The following DPP6 variants were observed in gnomAD, a reference collection of about 807,000 sequenced individuals.
DPP6 encodes dipeptidyl peptidase like 6.
DPP6 carries 69 observed loss-of-function variants against 122.6 expected under a neutral mutation model. The observed-to-expected ratio is 0.56, with a 90% confidence interval of 0.46 to 0.69. DPP6 has a LOEUF of 0.69. DPP6 is among the 30% of genes least tolerant of loss of function. The pLI is 0.00. For missense variants in DPP6, 928 were observed against 1,116.9 expected, an observed-to-expected ratio of 0.83 and a Z score of 2.41; for synonymous variants, 418 against 433.1, an observed-to-expected ratio of 0.97 and a Z score of 0.43.
At chr7:154,729,567 C>A (rs180702929) in intron 8 of DPP6, among the ~76,000 whole-genome samples, 3 of 152,168 alleles carry the variant, frequency 2.0e-5, no homozygotes, top group Non-Finnish European at 2.9e-5. Context: ...AAGACATAGA[C>A]CATTTCCATC....
At chr7:154,777,834 G>A (rs2150393594) in intron 10 of DPP6, among the ~76,000 whole-genome samples, 1 of 152,170 alleles carries the variant, frequency 6.6e-6, no homozygotes, top group East Asian at 1.9e-4. Flanking sequence ...GCAGCTGTGG[G>A]GGCTCACTCC....
the DPP6 span, among the ~76,000 whole-genome samples, chr7:153,816,127 A>C: frequency 6.6e-6 from 1 of 152,080 alleles, no homozygotes; most frequent in Admixed American, 6.5e-5. Context: ...AGCTAAGAAA[A>C]TGGAGATAAA....
chr7:154,773,649 A>G (rs889439566), intron 10 of DPP6, among the ~76,000 whole-genome samples: 2 of 152,300 alleles, frequency 1.3e-5, no homozygotes, highest in Admixed American at 1.3e-4. Flanking sequence ...GCCAGGACCC[A>G]CCCAAGTATA....
chr7:154,647,858 C>T (rs1228932912), intron 6 of DPP6, among the ~76,000 whole-genome samples: 3 of 152,250 alleles, frequency 2.0e-5, no homozygotes, highest in East Asian at 3.9e-4. Context: ...GGCACTCTTC[C>T]TGTTTACAGA....
chr7:154,698,662 C>A (rs1840350619), intron 7 of DPP6, among the ~76,000 whole-genome samples: 1 of 152,064 alleles, frequency 6.6e-6, no homozygotes, highest in Non-Finnish European at 1.5e-5. Context: ...CCAGTGATAT[C>A]TTTCTTGTGA....
intron 1 of DPP6, among the ~76,000 whole-genome samples, chr7:154,074,775 T>C (rs1377231704): frequency 1.3e-5 from 2 of 152,004 alleles, no homozygotes; most frequent in Admixed American, 1.3e-4. Flanking sequence ...AAGACCCCGC[T>C]GAGAGTTCCA....
intron 5 of DPP6, among the ~76,000 whole-genome samples, chr7:154,636,720 C>T (rs1382361004): frequency 6.6e-6 from 1 of 152,202 alleles, no homozygotes; most frequent in African/African-American, 2.4e-5. Flanking sequence ...GAAGTTAATT[C>T]AGTGGTGCAG....
intron 1 of DPP6, among the ~76,000 whole-genome samples, chr7:154,177,045 G>A (rs1382148435): frequency 2.6e-5 from 4 of 151,934 alleles, no homozygotes; most frequent in Non-Finnish European, 5.9e-5. Context: ...TGTTGCCCAG[G>A]CTGGTCTTGA....
At chr7:154,329,733 G>A (rs1483249306) in intron 1 of DPP6, among the ~76,000 whole-genome samples, 4 of 152,182 alleles carry the variant, frequency 2.6e-5, no homozygotes, top group African/African-American at 2.4e-5. Flanking sequence ...GCACACATAT[G>A]TTTCTTGCAG....
rs538431944 is a variant in DPP6, at chr7:154,617,240, C to G, written c.628-20581C>G. ...GGACAGAAGGGCAGGGAAGCAGGCTCTTTATGCTGTGAGTCTCTCACTCCA... is the reference window on the plus strand; with the variant it reads ...GGACAGAAGGGCAGGGAAGCAGGCTGTTTATGCTGTGAGTCTCTCACTCCA... On this transcript the variant is annotated intron_variant, in intron 5 of 25. Coordinates refer to ENST00000377770, the MANE Select transcript of DPP6 (RefSeq NM_130797.4). Among the ~76,000 whole-genome samples the G allele has an allele frequency of 7.4e-4, 113 of 152,298 alleles. 2 individuals are homozygous for G. The highest frequency in any genetic ancestry group is 2.6e-3 in the African/African-American group (110 of 41,560).
intron 1 of DPP6, among the ~76,000 whole-genome samples, chr7:154,416,519 TATTA>T (rs1201012058): frequency 2.0e-5 from 3 of 152,322 alleles, no homozygotes; most frequent in Admixed American, 6.5e-5. Flanking sequence ...TCTATTTTAT[TATTA>T]ATTCTAAAAA....
intron 8 of DPP6, among the ~76,000 whole-genome samples, chr7:154,763,713 A>G (rs566039925): frequency 2.0e-5 from 3 of 152,304 alleles, no homozygotes; most frequent in South Asian, 4.1e-4. Flanking sequence ...AACAGCAGCA[A>G]GTTCAATTTC....
chr7:154,024,211 G>A (rs3095191), intron 1 of DPP6, among the ~76,000 whole-genome samples: 10 of 151,716 alleles, frequency 6.6e-5, no homozygotes, highest in Admixed American at 2.6e-4. Flanking sequence ...TTCAGCTATC[G>A]ATCCACAAAT....
the DPP6 span, among the ~76,000 whole-genome samples, chr7:153,857,495 C>T: frequency 6.6e-6 from 1 of 152,186 alleles, no homozygotes; most frequent in Non-Finnish European, 1.5e-5. Context: ...TGCGCAGACA[C>T]TGCTTACAGC....
chr7:154,844,447 G>A lies in DPP6; in HGVS notation c.1667-9333G>A, dbSNP rs367609857. The stretch of plus-strand genomic sequence containing the variant: ...CTAACATGGGTCTAGTCTGGCCAAA[G>A]TAGCACAAATTTTGAGTATCTGATT... On this transcript the variant is annotated intron_variant, in intron 16 of 25. Transcript: ENST00000377770. 2.6e-5 allele frequency among the ~76,000 whole-genome samples: 4 copies of A among 152,254 alleles called. No homozygotes were observed. In the East Asian group the frequency reaches 5.8e-4, roughly 22 times the overall value.
chr7:154,637,995 T>A, intron 6 of DPP6, 122 bp downstream of exon 6: 2 of 1,126,248 alleles, frequency 1.8e-6, no homozygotes, highest in East Asian at 5.4e-5. Flanking sequence ...CAGCCAAGGG[T>A]GCTGGTATCG....
chr7:154,372,807 T>G (rs76231957), intron 1 of DPP6, among the ~76,000 whole-genome samples: 2,761 of 152,286 alleles, frequency 0.018, 85 homozygotes, highest in African/African-American at 0.062. Context: ...TGCATCAGTG[T>G]AAGTCGGCAT....
At chr7:154,210,270 G>A (rs933501010) in intron 1 of DPP6, among the ~76,000 whole-genome samples, 4 of 152,140 alleles carry the variant, frequency 2.6e-5, no homozygotes, top group African/African-American at 7.2e-5. Context: ...ATGGCAGGGG[G>A]CGTGATGTCC....
intron 1 of DPP6, among the ~76,000 whole-genome samples, chr7:153,971,557 A>G (rs39159): frequency 0.44 from 51,908 of 117,296 alleles, 14,967 homozygotes; most frequent in Middle Eastern, 0.61. Flanking sequence ...GTTACTTGTC[A>G]GTTTCTCATA....
Sources: allele counts gnomAD v4.1 joint callset (sites outside exome capture counted in the v4.1 genomes callset), GRCh38; gene constraint gnomAD v4.1.1; transcripts MANE v1.5; gene names NCBI Gene and HGNC (gene_info 2026-07-23, HGNC 2026-07-21).